Variants in STK3 observed in about 807,000 individuals in gnomAD.
STK3 encodes the protein serine/threonine kinase 3, also known as serine/threonine-protein kinase 3.
A neutral mutation model predicts 58.0 loss-of-function variants in STK3; 41 were observed. The observed-to-expected ratio is 0.71, with a 90% confidence interval of 0.55 to 0.92. The LOEUF (loss-of-function observed/expected upper bound fraction) is 0.92. Ranked by LOEUF, STK3 falls within the 40% of genes least tolerant of loss-of-function variation. STK3 has a pLI of 0.00. For synonymous variants in STK3, 170 were observed against 191.0 expected, an observed-to-expected ratio of 0.89 and a Z score of 0.91; for missense variants, 479 against 602.7, an observed-to-expected ratio of 0.79 and a Z score of 2.15.
chr8:98,913,738 C>T (rs1839236802), intron 1 of STK3, among the ~76,000 whole-genome samples: 1 of 152,258 alleles, frequency 6.6e-6, no homozygotes, highest in Non-Finnish European at 1.5e-5. Flanking sequence ...ATCTTCCACA[C>T]CAGGCACAAA....
At chr8:98,547,553 T>A (rs1403046770) in intron 9 of STK3, among the ~76,000 whole-genome samples, 2 of 152,212 alleles carry the variant, frequency 1.3e-5, no homozygotes, top group Non-Finnish European at 2.9e-5. Flanking sequence ...CCACCTTATT[T>A]CTTCCCATAG....
chr8:98,699,767 C>T (rs1042446531), intron 6 of STK3, among the ~76,000 whole-genome samples: 1 of 152,182 alleles, frequency 6.6e-6, no homozygotes, highest in African/African-American at 2.4e-5. Context: ...TGTCAGTCTG[C>T]CCCTACTTGG....
At chr8:98,479,473 C>A (rs1821652449) in intron 10 of STK3, among the ~76,000 whole-genome samples, 1 of 101,298 alleles carries the variant, frequency 9.9e-6, no homozygotes, top group South Asian at 3.6e-4. Flanking sequence ...GGTGACAGAG[C>A]AACACTCCGT....
intron 8 of STK3, 107 bp downstream of exon 8, chr8:98,579,557 T>C (rs1011812666): frequency 2.2e-5 from 29 of 1,330,306 alleles, no homozygotes; most frequent in Middle Eastern, 4.8e-4. Flanking sequence ...TGAAAAAACA[T>C]ATCTTACTTG....
chr8:98,598,578 A>G (rs1816027973), intron 6 of STK3: 1 of 985,306 alleles, frequency 1.0e-6, no homozygotes, highest in Admixed American at 6.2e-5. Context: ...TGAACCACAG[A>G]GGATCCTCTT....
chr8:98,665,768 A>G (rs1256359396), intron 6 of STK3, among the ~76,000 whole-genome samples: 4 of 149,334 alleles, frequency 2.7e-5, no homozygotes, highest in African/African-American at 9.9e-5. Flanking sequence ...CAGTAGCGCG[A>G]TCTCGGCTCA....
At chr8:98,898,987 T>C (rs1364783142) in intron 1 of STK3, among the ~76,000 whole-genome samples, 2 of 152,160 alleles carry the variant, frequency 1.3e-5, no homozygotes, top group East Asian at 1.9e-4. Context: ...CCAGAATGGG[T>C]TGGAGTGTGC....
At chr8:98,363,736 T>C in the STK3 span, among the ~76,000 whole-genome samples, 1 of 152,226 alleles carries the variant, frequency 6.6e-6, no homozygotes, top group Non-Finnish European at 1.5e-5. Flanking sequence ...TCTTTGAGAT[T>C]TAGGAGGCAG....
At chr8:98,622,049 A>G (rs1377614055) in intron 6 of STK3, among the ~76,000 whole-genome samples, 8 of 147,212 alleles carry the variant, frequency 5.4e-5, no homozygotes, top group Non-Finnish European at 7.5e-5. Flanking sequence ...AGATCACTTG[A>G]GGTCAGGAGT....
chr8:98,495,379 G>A (rs745569313), intron 10 of STK3, among the ~76,000 whole-genome samples: 13 of 151,106 alleles, frequency 8.6e-5, no homozygotes, highest in Non-Finnish European at 1.6e-4. Context: ...TTTTTTTCCT[G>A]AAAGTCTGTG....
At chr8:98,587,463 T>C (rs201128033) in intron 7 of STK3, among the ~76,000 whole-genome samples, 1 of 152,096 alleles carries the variant, frequency 6.6e-6, no homozygotes, top group Non-Finnish European at 1.5e-5. Flanking sequence ...GTCTGAGAGA[T>C]AGTTTGTTAT....
chr8:98,380,300 A>G (rs1817718981), intron 1 of STK3, among the ~76,000 whole-genome samples: 2 of 152,232 alleles, frequency 1.3e-5, no homozygotes, highest in South Asian at 4.1e-4. Flanking sequence ...TTCTTACCAC[A>G]ATAAAATAAA....
At chr8:98,916,996 G>T (rs904698620) in intron 1 of STK3, among the ~76,000 whole-genome samples, 1 of 152,140 alleles carries the variant, frequency 6.6e-6, no homozygotes, top group Admixed American at 6.5e-5. Context: ...TCTGGGAAGA[G>T]CATCTGCACT....
At chr8:98,400,881 T>A (rs1342518477), downstream of STK3, among the ~76,000 whole-genome samples, 1 of 152,150 alleles carries the variant, frequency 6.6e-6, no homozygotes, top group Non-Finnish European at 1.5e-5. Flanking sequence ...CAGACTGTAT[T>A]TTCCAAATAA....
intron 9 of STK3, among the ~76,000 whole-genome samples, chr8:98,533,571 T>C (rs2131518989): frequency 6.6e-6 from 1 of 152,304 alleles, no homozygotes; most frequent in East Asian, 1.9e-4. Context: ...CACTGAAGGC[T>C]TGACCTTCTG....
Position 98,914,525 on chromosome 8 carries a change from C to T in STK3, c.-79+27853G>A, listed in dbSNP as rs557691943. ...TCTCTCTCTCTTCACTCTTAAAATA[C>T]GGGGCTTGAAATTATTTCAGTTGTT... On this transcript the variant is annotated intron_variant, in intron 1 of 1. Coordinates refer to the STK3 transcript ENST00000519420. 4.6e-5 allele frequency among the ~76,000 whole-genome samples: 7 copies of T among 151,800 alleles called. No individual in the cohort carries two copies. The Middle Eastern group carries it at 0.01, about 221-fold the overall frequency.
At chr8:98,585,779 G>T (rs1484512228) in intron 7 of STK3, among the ~76,000 whole-genome samples, 8 of 152,018 alleles carry the variant, frequency 5.3e-5, no homozygotes, top group Non-Finnish European at 8.8e-5. Flanking sequence ...TCTTGAGCAG[G>T]GGTTTGTAGT....
chr8:98,838,635 T>C (rs1835840832), intron 3 of STK3, among the ~76,000 whole-genome samples: 1 of 152,108 alleles, frequency 6.6e-6, no homozygotes, highest in Non-Finnish European at 1.5e-5. Flanking sequence ...AAGCTCAAAT[T>C]CAATTGCAAA....
intron 3 of STK3, among the ~76,000 whole-genome samples, chr8:98,854,635 CA>C (rs1288676456): frequency 3.3e-5 from 5 of 151,720 alleles, no homozygotes; most frequent in African/African-American, 1.2e-4. Context: ...ATAAATTTAA[CA>C]AAAAAAGCAC....
Sources: gnomAD v4.1 joint callset for allele counts (sites outside exome capture counted in the v4.1 genomes callset) on GRCh38, gnomAD v4.1.1 for gene constraint, MANE v1.5 for transcripts, NCBI Gene and HGNC (gene_info 2026-07-23, HGNC 2026-07-21) for gene names.